Variants in SYNDIG1 observed in about 807,000 individuals in gnomAD.
The protein encoded by SYNDIG1 is synapse differentiation inducing 1.
A neutral mutation model predicts 19.4 loss-of-function variants in SYNDIG1; 9 were observed. That is an observed-to-expected ratio of 0.46 (90% CI 0.28 to 0.81). The LOEUF is 0.81. Ranked by LOEUF, SYNDIG1 falls within the 30% of genes least tolerant of loss-of-function variation. The probability of loss-of-function intolerance (pLI) is 0.12; values close to 1 mark genes in which losing one functional copy is unlikely to be tolerated. For synonymous variants in SYNDIG1, 141 were observed against 145.9 expected (o/e 0.97, Z 0.24); for missense variants, 311 against 343.3 (o/e 0.91, Z 0.74).
intron 3 of SYNDIG1, among the ~76,000 whole-genome samples, chr20:24,594,601 T>C (rs58113049): frequency 0.012 from 1,848 of 152,326 alleles, 39 homozygotes; most frequent in African/African-American, 0.042. Flanking sequence ...GCACTAGATC[T>C]GTAAGTGCTT....
intron 3 of SYNDIG1, among the ~76,000 whole-genome samples, chr20:24,598,052 C>T (rs55644719): frequency 0.17 from 25,613 of 152,156 alleles, 2,453 homozygotes; most frequent in East Asian, 0.34. Context: ...AGGGTAATAA[C>T]ATTCTCACCA....
At chr20:24,663,887 G>A (rs1456265679) in intron 3 of SYNDIG1, among the ~76,000 whole-genome samples, 1 of 152,178 alleles carries the variant, frequency 6.6e-6, no homozygotes, top group African/African-American at 2.4e-5. Flanking sequence ...GGCAATTACA[G>A]GAAATTGTGT....
intron 1 of SYNDIG1, among the ~76,000 whole-genome samples, chr20:24,480,747 G>A (rs1176270757): frequency 1.3e-5 from 2 of 152,162 alleles, no homozygotes; most frequent in East Asian, 1.9e-4. Flanking sequence ...GCAGATGAGC[G>A]GATAAGCAAA....
intron 3 of SYNDIG1, among the ~76,000 whole-genome samples, chr20:24,650,031 C>T (rs2059454847): frequency 6.6e-6 from 1 of 152,180 alleles, no homozygotes; most frequent in African/African-American, 2.4e-5. Flanking sequence ...GGCCAAGAAA[C>T]ACAGCTCTCC....
intron 1 of SYNDIG1, among the ~76,000 whole-genome samples, chr20:24,514,935 A>T (rs993342791): frequency 9.2e-5 from 14 of 152,274 alleles, no homozygotes; most frequent in African/African-American, 3.1e-4. Context: ...CTCTCAGACC[A>T]CAGTGCAACC....
At chr20:24,617,113 T>A (rs2058947272) in intron 3 of SYNDIG1, among the ~76,000 whole-genome samples, 1 of 152,126 alleles carries the variant, frequency 6.6e-6, no homozygotes, top group African/African-American at 2.4e-5. Context: ...ACAGAAAATT[T>A]ACCCGGTGTG....
At chr20:24,616,545 G>A (rs1457337615) in intron 3 of SYNDIG1, among the ~76,000 whole-genome samples, 4 of 152,188 alleles carry the variant, frequency 2.6e-5, no homozygotes, top group African/African-American at 7.2e-5. Context: ...GCCACCTCAG[G>A]GCCCAGGTTT....
At chr20:24,642,960 T>C (rs2147343545) in intron 3 of SYNDIG1, among the ~76,000 whole-genome samples, 1 of 152,312 alleles carries the variant, frequency 6.6e-6, no homozygotes, top group Non-Finnish European at 1.5e-5. Flanking sequence ...GTTAGGTTAG[T>C]TGCATTTTAA....
At chr20:24,547,201 C>G (rs1043629320) in intron 2 of SYNDIG1, among the ~76,000 whole-genome samples, 1 of 152,212 alleles carries the variant, frequency 6.6e-6, no homozygotes, top group Non-Finnish European at 1.5e-5. Flanking sequence ...CTTGCTGGAG[C>G]TCCTGGGCAC....
chr20:24,528,367 T>G (rs1461638962), intron 1 of SYNDIG1, among the ~76,000 whole-genome samples: 1 of 152,230 alleles, frequency 6.6e-6, no homozygotes, highest in Admixed American at 6.5e-5. Flanking sequence ...TCTTCCTGTG[T>G]TTAGTGCTTG....
intron 3 of SYNDIG1, among the ~76,000 whole-genome samples, chr20:24,634,503 A>C (rs1014077041): frequency 6.6e-6 from 1 of 152,200 alleles, no homozygotes; most frequent in Non-Finnish European, 1.5e-5. Flanking sequence ...CTATTAACAA[A>C]ATGTGAATGC....
At chr20:24,530,809 TTG>T (rs1491582999) in intron 1 of SYNDIG1, among the ~76,000 whole-genome samples, 2 of 151,774 alleles carry the variant, frequency 1.3e-5, no homozygotes, top group African/African-American at 4.9e-5. Flanking sequence ...TTTGGGTTTT[TTG>T]TTTTTTTTTT....
In SYNDIG1 at chr20:24,658,504, C is replaced by T. The variant is rs1160617208; in HGVS notation, c.619-6842C>T. On this transcript the variant is annotated intron_variant, in intron 3 of 3. Coordinates refer to ENST00000376862, the MANE Select transcript of SYNDIG1 (RefSeq NM_024893.3). The surrounding 1 kb of genome is among the most constrained non-coding windows in gnomAD (Gnocchi z 4.4). ...GGGGTGAAAGCCCTTCCCCAGTGAC[C>T]TGCAGGTTTCGAGGGGCTTCCCCCT... 6.6e-6 allele frequency among the ~76,000 whole-genome samples: 1 copy of T among 152,106 alleles called. No homozygotes were observed. The highest frequency in any genetic ancestry group is 1.5e-5 in the Non-Finnish European group (1 of 67,996).
intron 3 of SYNDIG1, among the ~76,000 whole-genome samples, chr20:24,659,216 G>T (rs1337662366): frequency 1.3e-5 from 2 of 152,180 alleles, no homozygotes. Context: ...TTCCTTTCTG[G>T]ATTCGCCTGA....
At chr20:24,603,320 G>A (rs537234645) in intron 3 of SYNDIG1, among the ~76,000 whole-genome samples, 8 of 152,242 alleles carry the variant, frequency 5.3e-5, no homozygotes, top group Non-Finnish European at 2.9e-5. Context: ...CAGGGCTGTA[G>A]ACAAGTGTCC....
intron 1 of SYNDIG1, among the ~76,000 whole-genome samples, chr20:24,528,611 C>T (rs1417736665): frequency 1.3e-5 from 2 of 152,186 alleles, no homozygotes; most frequent in Non-Finnish European, 2.9e-5. Flanking sequence ...GGCTAACTCT[C>T]CCCCTCAAGC....
At chr20:24,647,470 A>G in intron 3 of SYNDIG1, among the ~76,000 whole-genome samples, 1 of 152,114 alleles carries the variant, frequency 6.6e-6, no homozygotes, top group East Asian at 1.9e-4. Flanking sequence ...TCTTTGAGCC[A>G]AACACTTTCT....
chr20:24,493,534 G>T (rs527510614), intron 1 of SYNDIG1, among the ~76,000 whole-genome samples: 1 of 152,362 alleles, frequency 6.6e-6, no homozygotes, highest in East Asian at 1.9e-4. Context: ...TTGCTTACTG[G>T]TTTAAGTAGA....
chr20:24,626,419 G>C (rs1031905840), intron 3 of SYNDIG1, among the ~76,000 whole-genome samples: 2 of 150,254 alleles, frequency 1.3e-5, no homozygotes, highest in Non-Finnish European at 3.0e-5. Context: ...GGGCCGAGGC[G>C]CTCCTCACAT....
Sources: gnomAD v4.1 joint callset for allele counts (sites outside exome capture counted in the v4.1 genomes callset) on GRCh38, gnomAD v4.1.1 for gene constraint, Gnocchi (gnomAD v3.1) non-coding constraint, MANE v1.5 for transcripts, NCBI Gene and HGNC (gene_info 2026-07-23, HGNC 2026-07-21) for gene names.